The following CAMK1D variants were observed in gnomAD, a reference collection of about 807,000 sequenced individuals.
The protein encoded by CAMK1D is calcium/calmodulin-dependent protein kinase type 1D.
Under a neutral mutation model 47.7 loss-of-function variants are expected in CAMK1D, and 9 were observed. That is an observed-to-expected ratio of 0.19 (90% confidence interval 0.11 to 0.33). The LOEUF is 0.33. CAMK1D is among the 10% of genes least tolerant of loss of function. The pLI, the probability that CAMK1D is intolerant of heterozygous loss-of-function variation, is 1.00. For synonymous variants in CAMK1D, 184 were observed against 184.9 expected (o/e 0.99, Z 0.04); for missense variants, 291 against 488.7 (o/e 0.60, Z 3.81).
intron 1 of CAMK1D, among the ~76,000 whole-genome samples, chr10:12,479,357 T>G (rs2132094246): frequency 6.6e-6 from 1 of 152,178 alleles, no homozygotes; most frequent in East Asian, 1.9e-4. Context: ...CCACCACGCC[T>G]GGCTAATTTT....
At chr10:12,648,270 C>G (rs1224868694) in intron 2 of CAMK1D, among the ~76,000 whole-genome samples, 1 of 152,136 alleles carries the variant, frequency 6.6e-6, no homozygotes, top group Non-Finnish European at 1.5e-5. Context: ...TCCAGATTTA[C>G]CTAATCATTA....
At chr10:12,625,627 C>T (rs958499656) in intron 2 of CAMK1D, among the ~76,000 whole-genome samples, 7 of 93,220 alleles carry the variant, frequency 7.5e-5, no homozygotes, top group Non-Finnish European at 1.7e-4. Flanking sequence ...CCCCACGCCC[C>T]GCCCCTCTGC....
chr10:12,826,730 T>C lies in CAMK1D; in HGVS notation c.1039+1040T>C, dbSNP rs562924331. ...AATCTTCCCATCTCATTTGGGACCA[T>C]CCAGCCCTTAAATTTTCCCAAGAAA... On this transcript the variant is annotated intron_variant, in intron 10 of 10. Transcript: ENST00000619168. Among the ~76,000 whole-genome samples the C allele has an allele frequency of 7.2e-4, 109 of 152,342 alleles. 3 individuals carry two copies. The South Asian group carries it at 0.023, about 32-fold the overall frequency.
chr10:12,681,232 G>A (rs1020148388), intron 3 of CAMK1D, among the ~76,000 whole-genome samples: 3 of 152,222 alleles, frequency 2.0e-5, no homozygotes, highest in African/African-American at 7.2e-5. Context: ...CTCCGTGTCT[G>A]CCCTCAGCCT....
In CAMK1D at chr10:12,371,589, C is replaced by CA. The variant is rs1198993835; in HGVS notation, c.92+21688dup. Among the ~76,000 whole-genome samples the CA allele has an allele frequency of 2.9e-3, 410 of 139,960 alleles. 2 individuals carry two copies. Among genetic ancestry groups the CA allele is most frequent in the African/African-American group, 9.2e-3 (350 of 37,966 alleles). 91.8% of individuals were successfully genotyped at this position (139,960 alleles called of 152,430 possible). A position where few individuals can be genotyped will look rare whatever the true frequency, so the allele number is the denominator to read the frequency against. On this transcript the variant is annotated intron_variant, in intron 1 of 10. Coordinates refer to ENST00000619168, the MANE Select transcript of CAMK1D (RefSeq NM_153498.4). Reference sequence around the variant, plus strand: ...AGACTGTCCCGAAAAAAAAAAAAACCAAAAAAAAACAAAAAAAAACTTTTT... The same window carrying CA: ...AGACTGTCCCGAAAAAAAAAAAAACCAAAAAAAAAACAAAAAAAAACTTTTT...
chr10:12,578,352 C>A (rs549766524), intron 2 of CAMK1D, among the ~76,000 whole-genome samples: 1 of 152,196 alleles, frequency 6.6e-6, no homozygotes, highest in East Asian at 1.9e-4. Context: ...GGATGGATCA[C>A]CTGAGGTCAG....
At chr10:12,709,150 C>T (rs923899684) in intron 3 of CAMK1D, among the ~76,000 whole-genome samples, 3 of 152,160 alleles carry the variant, frequency 2.0e-5, no homozygotes, top group African/African-American at 7.2e-5. Flanking sequence ...GTGAGAACCT[C>T]TTTGTGGAGG....
At chr10:12,639,114 T>C (rs17580343) in intron 2 of CAMK1D, among the ~76,000 whole-genome samples, 30,499 of 152,188 alleles carry the variant, frequency 0.2, 3,319 homozygotes, top group African/African-American at 0.21. Flanking sequence ...TGGGCAGTGA[T>C]GTACAGGACC....
At chr10:12,720,316 G>T (rs1267056222) in intron 3 of CAMK1D, among the ~76,000 whole-genome samples, 1 of 152,196 alleles carries the variant, frequency 6.6e-6, no homozygotes, top group African/African-American at 2.4e-5. Context: ...GAGAGAAGAG[G>T]CTGGGCATCA....
chr10:12,817,861 G>A (rs967992653), intron 8 of CAMK1D, among the ~76,000 whole-genome samples: 56 of 152,176 alleles, frequency 3.7e-4, no homozygotes, highest in Admixed American at 2.0e-4. Flanking sequence ...CTAATTTTTT[G>A]TATTTTTAGT....
chr10:12,834,247 T>C lies in CAMK1D; in HGVS notation c.*5360T>C, dbSNP rs1047721. 82,227 of 152,240 alleles carry C rather than the reference T, an allele frequency of 0.54. 23,706 individuals carry two copies. The highest frequency in any genetic ancestry group is 0.76 in the African/African-American group (31,569 of 41,500). 9.4% of individuals were successfully genotyped at this position (152,240 alleles called of 1,614,324 possible). A position where few individuals can be genotyped will look rare whatever the true frequency, so the allele number is the denominator to read the frequency against. On this transcript the variant is annotated 3_prime_UTR_variant, in exon 11 of 11. Transcript: ENST00000619168. ...CCTGTTCGGTGGTCCCGGGGCATCATGGTCTGCAGCTCTGGGCCCCCAGCC... is the reference window on the plus strand; with the variant it reads ...CCTGTTCGGTGGTCCCGGGGCATCACGGTCTGCAGCTCTGGGCCCCCAGCC...
At chr10:12,694,549 A>G (rs1450547350) in intron 3 of CAMK1D, among the ~76,000 whole-genome samples, 1 of 76,248 alleles carries the variant, frequency 1.3e-5, no homozygotes, top group Non-Finnish European at 2.5e-5. Flanking sequence ...TAAAATATAT[A>G]TTATATATAA....
At chr10:12,505,933 G>C (rs916754745) in intron 1 of CAMK1D, among the ~76,000 whole-genome samples, 1 of 152,150 alleles carries the variant, frequency 6.6e-6, no homozygotes, top group African/African-American at 2.4e-5. Context: ...CTACCATTTA[G>C]AATTCATTCT....
At chr10:12,522,509 T>C (rs559951014) in intron 1 of CAMK1D, among the ~76,000 whole-genome samples, 19 of 151,794 alleles carry the variant, frequency 1.3e-4, no homozygotes, top group African/African-American at 3.1e-4. Context: ...AGCACAGGGT[T>C]GGGGGCAAGG....
At chr10:12,360,914 A>G (rs11257736) in intron 1 of CAMK1D, among the ~76,000 whole-genome samples, 14,715 of 152,106 alleles carry the variant, frequency 0.097, 934 homozygotes, top group South Asian at 0.26. Context: ...TCACAGCTCT[A>G]CCATGGACGC....
rs1168293686 is a variant in CAMK1D at position 12,553,427 on chromosome 10, C to G, written c.224+71C>G. 3 of 1,332,732 alleles carry G rather than the reference C, an allele frequency of 2.3e-6. No individual in the cohort carries two copies. In the South Asian group the frequency reaches 3.6e-5, roughly 16 times the overall value. The allele number at this position is 1,332,732 out of a possible 1,614,324, so 82.6% of individuals were successfully genotyped here. A position where few individuals can be genotyped will look rare whatever the true frequency, so the allele number is the denominator to read the frequency against. On this transcript the variant is annotated intron_variant, in intron 2 of 10. Coordinates refer to ENST00000619168, the MANE Select transcript of CAMK1D (RefSeq NM_153498.4). ...CGTGTGTCCTGCAGGAGTCCTGCCC[C>G]GGAGGCAGACTTTCCCCGGGGGCAG... is the stretch of plus-strand genomic sequence containing the variant.
intron 3 of CAMK1D, among the ~76,000 whole-genome samples, chr10:12,733,586 G>A (rs973426152): frequency 1.5e-4 from 23 of 152,122 alleles, no homozygotes; most frequent in Non-Finnish European, 2.9e-4. Context: ...ATTCCACAGC[G>A]TGTATAGCCA....
At chr10:12,525,278 A>G (rs1363378042) in intron 1 of CAMK1D, among the ~76,000 whole-genome samples, 2 of 152,184 alleles carry the variant, frequency 1.3e-5, no homozygotes, top group African/African-American at 2.4e-5. Context: ...TTCGCCATAC[A>G]TGGGAAGTTT....
chr10:12,638,689 TA>T, intron 2 of CAMK1D, among the ~76,000 whole-genome samples: 1 of 152,306 alleles, frequency 6.6e-6, no homozygotes, highest in Non-Finnish European at 1.5e-5. Context: ...GTCATAGCCA[TA>T]GCCCCAGAGT....
Sources: gnomAD v4.1 joint callset for allele counts (sites outside exome capture counted in the v4.1 genomes callset) on GRCh38, gnomAD v4.1.1 for gene constraint, MANE v1.5 for transcripts, NCBI Gene and HGNC (gene_info 2026-07-23, HGNC 2026-07-21) for gene names.